ARHGAP8: variants seen among roughly 807,000 people sequenced by gnomAD.
ARHGAP8 encodes the protein Rho GTPase activating protein 8, also known as rho GTPase-activating protein 8.
In ARHGAP8, 62 loss-of-function variants were observed where a neutral mutation model predicts 46.1. The observed-to-expected ratio is 1.34, with a 90% confidence interval of 1.10 to 1.66. The LOEUF is 1.66. Ranked by LOEUF, ARHGAP8 falls within the 40% of genes most tolerant of loss-of-function variation. ARHGAP8 has a pLI of 0.00. For missense variants in ARHGAP8, 923 were observed against 568.4 expected (o/e 1.62, Z -6.34); for synonymous variants, 375 against 243.1 (o/e 1.54, Z -5.05).
chr22:44,825,141 C>T (rs1438442400), intron 6 of ARHGAP8, among the ~76,000 whole-genome samples: 1 of 151,954 alleles, frequency 6.6e-6, no homozygotes, highest in African/African-American at 2.4e-5. Flanking sequence ...GGCCAGCTCT[C>T]GTCTTAAATT....
At chr22:44,835,160 C>G (rs1931196851) in intron 7 of ARHGAP8, among the ~76,000 whole-genome samples, 1 of 151,406 alleles carries the variant, frequency 6.6e-6, no homozygotes, top group South Asian at 2.1e-4. Flanking sequence ...TCCTTTATGT[C>G]TTCATTAATA....
chr22:44,805,229 C>T lies in ARHGAP8; in HGVS notation c.167+3065C>T, dbSNP rs190567301. On this transcript the variant is annotated intron_variant, in intron 3 of 11. Coordinates refer to ENST00000356099, the MANE Select transcript of ARHGAP8 (RefSeq NM_181335.3). ...TGCTGCTGGGCCAGGAATGAGCTCA[C>T]GATTTGCTGTTCTTATAAAGACAAA... Among the ~76,000 whole-genome samples the T allele has an allele frequency of 2.0e-5, 3 of 152,294 alleles. No individual in the cohort carries two copies. In the East Asian group the frequency reaches 5.8e-4, roughly 29 times the overall value.
At chr22:44,804,612 A>G (rs2147085374) in intron 3 of ARHGAP8, among the ~76,000 whole-genome samples, 1 of 152,268 alleles carries the variant, frequency 6.6e-6, no homozygotes, top group Non-Finnish European at 1.5e-5. Context: ...ACAGCTCAGG[A>G]CGTGACCCTG....
intron 1 of ARHGAP8, among the ~76,000 whole-genome samples, chr22:44,759,181 C>T (rs555823170): frequency 1.2e-4 from 19 of 152,306 alleles, no homozygotes; most frequent in African/African-American, 4.3e-4. Context: ...TTCAACAGAC[C>T]TCCCAAGTCC....
At chr22:44,812,621 T>C (rs764865472) in intron 4 of ARHGAP8, among the ~76,000 whole-genome samples, 7 of 151,916 alleles carry the variant, frequency 4.6e-5, no homozygotes, top group Non-Finnish European at 8.8e-5. Flanking sequence ...TCCCAAAGAG[T>C]TGGGATTACA....
intron 2 of ARHGAP8, among the ~76,000 whole-genome samples, chr22:44,797,190 G>C (rs1279681876): frequency 6.8e-6 from 1 of 146,690 alleles, no homozygotes; most frequent in Non-Finnish European, 1.5e-5. Flanking sequence ...CACTTGGTCT[G>C]ATTCCAGACA....
At chr22:44,845,090 A>G (rs1035269156) in intron 7 of ARHGAP8, among the ~76,000 whole-genome samples, 179 bp from the exon 8 acceptor site, 3 of 152,002 alleles carry the variant, frequency 2.0e-5, no homozygotes, top group African/African-American at 7.2e-5. Flanking sequence ...CTGCACTATC[A>G]TTTTATTATT....
rs368256843 is a variant in ARHGAP8, at chr22:44,771,242, AT to A, written c.-71-15193del. The stretch of plus-strand genomic sequence containing the variant: ...AGATGATCATGTAGTTTGCAAGTAA[AT>A]TTTTTTTTTTTTTTTTTTTTTGAGA... On this transcript the variant is annotated intron_variant, in intron 1 of 11. Coordinates refer to ENST00000356099, the MANE Select transcript of ARHGAP8 (RefSeq NM_181335.3). Among the ~76,000 whole-genome samples, 984 of 108,302 alleles carry A rather than the reference AT, an allele frequency of 9.1e-3. 4 individuals carry two copies. The highest frequency in any genetic ancestry group is 0.029 in the African/African-American group (846 of 29,350). The allele number at this position is 108,302 out of a possible 152,430, so 71.1% of individuals were successfully genotyped here. A position where few individuals can be genotyped will look rare whatever the true frequency, so the allele number is the denominator to read the frequency against.
At chr22:44,833,301 G>A (rs1036025464) in intron 7 of ARHGAP8, among the ~76,000 whole-genome samples, 1 of 151,962 alleles carries the variant, frequency 6.6e-6, no homozygotes, top group African/African-American at 2.4e-5. Context: ...GTCTCACTAT[G>A]TTGCCCAGGC....
chr22:44,838,916 T>C (rs200605502), intron 7 of ARHGAP8, among the ~76,000 whole-genome samples: 1 of 148,386 alleles, frequency 6.7e-6, no homozygotes, highest in South Asian at 2.2e-4. Flanking sequence ...CCCTTGTTGT[T>C]TAATATTTGC....
intron 5 of ARHGAP8, among the ~76,000 whole-genome samples, chr22:44,817,661 G>A (rs867150259): frequency 6.6e-6 from 1 of 151,946 alleles, no homozygotes; most frequent in African/African-American, 2.4e-5. Context: ...AAAAATTAGC[G>A]GGTGTGGTGG....
chr22:44,808,815 A>T (rs1030780490), intron 4 of ARHGAP8: 2 of 372,746 alleles, frequency 5.4e-6, no homozygotes, highest in Non-Finnish European at 1.0e-5. Context: ...AATACAAAAA[A>T]AAAAAAACCA....
chr22:44,758,735 A>G (rs962489886), intron 1 of ARHGAP8, among the ~76,000 whole-genome samples: 1 of 152,116 alleles, frequency 6.6e-6, no homozygotes, highest in Non-Finnish European at 1.5e-5. Context: ...AGTGAATGAC[A>G]TGAGCTCTGG....
intron 7 of ARHGAP8, among the ~76,000 whole-genome samples, chr22:44,831,830 T>C (rs376931776): frequency 1.3e-5 from 2 of 152,262 alleles, no homozygotes; most frequent in East Asian, 1.9e-4. Flanking sequence ...TTTATCCTTA[T>C]GCCAGTGCCA....
Position 44,862,746 on chromosome 22 carries a change from T to TTG in ARHGAP8, c.*153_*154dup. 1.1e-6 allele frequency: 1 copy of TTG among 930,158 alleles called. No individual in the cohort carries two copies. The highest frequency in any genetic ancestry group is 1.5e-6 in the Non-Finnish European group (1 of 652,820). The allele number at this position is 930,158 out of a possible 1,614,324, so 57.6% of individuals were successfully genotyped here. A position where few individuals can be genotyped will look rare whatever the true frequency, so the allele number is the denominator to read the frequency against. On this transcript the variant is annotated 3_prime_UTR_variant, in exon 12 of 12. Transcript: ENST00000356099. ...CTCCATGCCTCTGGTCCTTGGACTCTTGTCCATGGTTCCTGAGCTGTGGAC... is the reference window on the plus strand; with the variant it reads ...CTCCATGCCTCTGGTCCTTGGACTCTTGTGTCCATGGTTCCTGAGCTGTGGAC...
intron 5 of ARHGAP8, among the ~76,000 whole-genome samples, chr22:44,820,830 G>C (rs527299131): frequency 6.6e-5 from 10 of 152,120 alleles, no homozygotes; most frequent in African/African-American, 2.4e-4. Context: ...GGCCTCCCTC[G>C]GGGCTCCTTT....
At chr22:44,812,156 C>T (rs61345197) in intron 4 of ARHGAP8, among the ~76,000 whole-genome samples, 11,789 of 152,014 alleles carry the variant, frequency 0.078, 593 homozygotes, top group African/African-American at 0.13. Context: ...CAAATTCGCA[C>T]GCAAGTGTTC....
At chr22:44,818,017 G>A (rs1432299299) in intron 5 of ARHGAP8, among the ~76,000 whole-genome samples, 2 of 152,120 alleles carry the variant, frequency 1.3e-5, no homozygotes, top group African/African-American at 4.8e-5. Context: ...AGGAGGCTGA[G>A]GTGGGAGGAT....
chr22:44,837,668 G>A (rs946139123), intron 7 of ARHGAP8, among the ~76,000 whole-genome samples: 1 of 152,148 alleles, frequency 6.6e-6, no homozygotes, highest in East Asian at 1.9e-4. Flanking sequence ...TCAGTCCATT[G>A]AACAAGCCTC....
Sources: allele counts gnomAD v4.1 joint callset (sites outside exome capture counted in the v4.1 genomes callset), GRCh38; gene constraint gnomAD v4.1.1; transcripts MANE v1.5; gene names NCBI Gene and HGNC (gene_info 2026-07-23, HGNC 2026-07-21).